ARHGAP44: variants seen among roughly 807,000 people sequenced by gnomAD.
The protein encoded by ARHGAP44 is rho GTPase-activating protein 44.
Under a neutral mutation model 106.8 loss-of-function variants are expected in ARHGAP44, and 43 were observed. That is an observed-to-expected ratio of 0.40 (90% confidence interval 0.32 to 0.52). The LOEUF is 0.52. ARHGAP44 is among the 20% of genes least tolerant of loss of function. ARHGAP44 has a pLI of 0.48. For synonymous variants in ARHGAP44, 439 were observed against 410.3 expected (o/e 1.07, Z -0.85); for missense variants, 866 against 1,050.5 (o/e 0.82, Z 2.43).
chr17:12,891,624 A>G (rs2037047688), intron 1 of ARHGAP44, among the ~76,000 whole-genome samples: 1 of 152,184 alleles, frequency 6.6e-6, no homozygotes, highest in African/African-American at 2.4e-5. Flanking sequence ...AGTTTTCAAC[A>G]TGTGAACTTT....
intron 20 of ARHGAP44, chr17:12,985,471 C>CCTGAGG (rs1224483163): frequency 1.3e-5 from 2 of 152,280 alleles, no homozygotes; most frequent in Non-Finnish European, 2.9e-5. Context: ...TGGCCAATTC[C>CCTGAGG]CTGAGGAGCT....
At chr17:12,940,294 C>A (rs576852207) in intron 7 of ARHGAP44, among the ~76,000 whole-genome samples, 9 of 152,268 alleles carry the variant, frequency 5.9e-5, no homozygotes, top group Admixed American at 3.9e-4. Flanking sequence ...GTGACATGCT[C>A]AAAAATATGG....
intron 1 of ARHGAP44, among the ~76,000 whole-genome samples, chr17:12,840,436 C>T (rs4792286): frequency 0.33 from 49,634 of 152,140 alleles, 13,028 homozygotes; most frequent in African/African-American, 0.73. Flanking sequence ...ATAAGCCACT[C>T]TTGTTTGCCA....
At chr17:12,938,081 GAA>G (rs71144937) in intron 7 of ARHGAP44, among the ~76,000 whole-genome samples, 2 of 148,774 alleles carry the variant, frequency 1.3e-5, no homozygotes, top group African/African-American at 2.5e-5. Flanking sequence ...CTGGGTGACA[GAA>G]AAAAAAAAAA....
intron 17 of ARHGAP44, 72 bp downstream of exon 17, chr17:12,973,391 G>A (rs1598145149): frequency 2.0e-6 from 3 of 1,512,716 alleles, no homozygotes; most frequent in South Asian, 2.4e-5. Flanking sequence ...ATCGTAGTGA[G>A]TTCCACCAGA....
chr17:12,881,648 T>C (rs1323650285), intron 1 of ARHGAP44, among the ~76,000 whole-genome samples: 1 of 152,196 alleles, frequency 6.6e-6, no homozygotes, highest in Admixed American at 6.5e-5. Context: ...TATTTTTTCT[T>C]AAGCCTTTGC....
intron 4 of ARHGAP44, among the ~76,000 whole-genome samples, chr17:12,912,174 G>T (rs28744602): frequency 2.6e-5 from 4 of 152,068 alleles, no homozygotes; most frequent in Admixed American, 6.6e-5. Flanking sequence ...ACAATCACTT[G>T]TGTTTTCAAA....
chr17:12,921,634 A>G (rs1375590268), intron 6 of ARHGAP44, among the ~76,000 whole-genome samples: 2 of 152,210 alleles, frequency 1.3e-5, no homozygotes, highest in African/African-American at 2.4e-5. Flanking sequence ...ATAAAGAAAC[A>G]GAATATATTT....
At chr17:12,854,976 A>G (rs1361943654) in intron 1 of ARHGAP44, among the ~76,000 whole-genome samples, 2 of 151,458 alleles carry the variant, frequency 1.3e-5, no homozygotes, top group Non-Finnish European at 2.9e-5. Context: ...AAAAAAAAAA[A>G]AAAAAAGAAG....
chr17:12,913,796 T>A (rs976777686), intron 4 of ARHGAP44, among the ~76,000 whole-genome samples: 77 of 151,452 alleles, frequency 5.1e-4, no homozygotes, highest in African/African-American at 1.8e-3. Context: ...GGTGAAACCC[T>A]GTCTCTACTA....
chr17:12,964,412 G>A (rs2039340358), intron 16 of ARHGAP44, among the ~76,000 whole-genome samples: 1 of 152,164 alleles, frequency 6.6e-6, no homozygotes, highest in African/African-American at 2.4e-5. Flanking sequence ...GCCTCCACTG[G>A]CTACATCCCC....
chr17:12,807,252 G>GT (rs2034301608), intron 1 of ARHGAP44, among the ~76,000 whole-genome samples: 1 of 152,210 alleles, frequency 6.6e-6, no homozygotes, highest in South Asian at 2.1e-4. Context: ...CTGGGACAGA[G>GT]TAAGTCCTCA....
intron 1 of ARHGAP44, among the ~76,000 whole-genome samples, chr17:12,813,673 A>T (rs1163566317): frequency 6.6e-6 from 1 of 152,170 alleles, no homozygotes. Flanking sequence ...ACAGGAATGG[A>T]TGTGTGACTT....
intron 1 of ARHGAP44, among the ~76,000 whole-genome samples, chr17:12,832,024 G>C (rs1214596679): frequency 2.0e-5 from 3 of 152,178 alleles, no homozygotes; most frequent in African/African-American, 7.2e-5. Context: ...AGAGTGCTCT[G>C]ATTGTAACTG....
chr17:12,859,537 GT>G (rs1242886835), intron 1 of ARHGAP44, among the ~76,000 whole-genome samples: 1 of 152,122 alleles, frequency 6.6e-6, no homozygotes, highest in African/African-American at 2.4e-5. Context: ...CCACATTTTG[GT>G]TTGGCGCTGG....
chr17:12,942,566 A>G (rs1182593900), intron 8 of ARHGAP44, among the ~76,000 whole-genome samples: 2 of 152,240 alleles, frequency 1.3e-5, no homozygotes, highest in Non-Finnish European at 2.9e-5. Context: ...CCTCATTGAC[A>G]TTCCAAGCTT....
chr17:12,977,639 C>G (rs556144037), intron 18 of ARHGAP44, among the ~76,000 whole-genome samples: 1 of 152,150 alleles, frequency 6.6e-6, no homozygotes, highest in African/African-American at 2.4e-5. Flanking sequence ...TCAGGTAGCG[C>G]CCCTAGTAGC....
At chr17:12,841,651 C>CA (rs1266398652) in intron 1 of ARHGAP44, among the ~76,000 whole-genome samples, 2 of 146,292 alleles carry the variant, frequency 1.4e-5, no homozygotes, top group Non-Finnish European at 3.0e-5. Context: ...AACAAACAAA[C>CA]AAAAACCACA....
intron 10 of ARHGAP44, among the ~76,000 whole-genome samples, chr17:12,948,427 T>C (rs1429246616): frequency 6.6e-6 from 1 of 152,190 alleles, no homozygotes; most frequent in Non-Finnish European, 1.5e-5. Context: ...CCCAGCACTT[T>C]GGGAGGCTGA....
Sources: allele counts gnomAD v4.1 joint callset (sites outside exome capture counted in the v4.1 genomes callset), GRCh38; gene constraint gnomAD v4.1.1; transcripts MANE v1.5; gene names NCBI Gene and HGNC (gene_info 2026-07-23, HGNC 2026-07-21).